SPINK9: variants seen among roughly 807,000 people sequenced by gnomAD.
The protein encoded by SPINK9 is serine protease inhibitor Kazal-type 9.
A neutral mutation model predicts 10.8 loss-of-function variants in SPINK9; 3 were observed. That is an observed-to-expected ratio of 0.28 (90% CI 0.13 to 0.72). The LOEUF (loss-of-function observed/expected upper bound fraction) is 0.72, where lower values mean the gene tolerates loss of function less well. Among genes scored for constraint, SPINK9 ranks in the 30% least tolerant of loss-of-function variants. The pLI is 0.74. For missense variants in SPINK9, 101 were observed against 103.2 expected (o/e 0.98, Z 0.09); for synonymous variants, 30 against 31.2 (o/e 0.96, Z 0.12).
At chr5:148,337,635 A>G (rs1451092511) in intron 2 of SPINK9, among the ~76,000 whole-genome samples, 1 of 152,162 alleles carries the variant, frequency 6.6e-6, no homozygotes, top group Non-Finnish European at 1.5e-5. Context: ...CCTATTATTC[A>G]TTCAATATTT....
intron 2 of SPINK9, among the ~76,000 whole-genome samples, chr5:148,328,849 A>T (rs1181783026): frequency 1.3e-5 from 2 of 152,164 alleles, no homozygotes; most frequent in African/African-American, 4.8e-5. Flanking sequence ...CCCAGGGATG[A>T]AGCCCACTTG....
At chr5:148,327,100 C>A (rs748451479) in intron 2 of SPINK9, among the ~76,000 whole-genome samples, 4 of 152,188 alleles carry the variant, frequency 2.6e-5, no homozygotes, top group Non-Finnish European at 4.4e-5. Context: ...CTGTCTCCCA[C>A]AATGGTTGAA....
At chr5:148,324,359 T>A (rs1561765023) in intron 2 of SPINK9, among the ~76,000 whole-genome samples, 1 of 152,040 alleles carries the variant, frequency 6.6e-6, no homozygotes, top group Non-Finnish European at 1.5e-5. Context: ...TCTCAAAGAA[T>A]CTCGTCATAA....
upstream of SPINK9, among the ~76,000 whole-genome samples, chr5:148,331,396 C>T (rs1257592791): frequency 1.3e-5 from 2 of 152,174 alleles, no homozygotes; most frequent in African/African-American, 4.8e-5. Flanking sequence ...ACTACGTGAT[C>T]TCACTTATAT....
upstream of SPINK9, among the ~76,000 whole-genome samples, chr5:148,331,218 C>T (rs11954250): frequency 0.038 from 5,771 of 152,298 alleles, 364 homozygotes; most frequent in African/African-American, 0.13. Flanking sequence ...TCCTATTCGG[C>T]CATCTTGGCT....
chr5:148,325,755 A>G (rs1757050983), intron 2 of SPINK9, among the ~76,000 whole-genome samples: 1 of 152,104 alleles, frequency 6.6e-6, no homozygotes, highest in South Asian at 2.1e-4. Context: ...TACCTATTAT[A>G]TCTTTTGTCT....
chr5:148,331,174 G>T (rs892784321), upstream of SPINK9, among the ~76,000 whole-genome samples: 2 of 152,212 alleles, frequency 1.3e-5, no homozygotes, highest in African/African-American at 4.8e-5. Context: ...CATCTTCTGT[G>T]TCACTCATGC....
chr5:148,333,450 C>G (rs1757176308), upstream of SPINK9, among the ~76,000 whole-genome samples: 1 of 152,240 alleles, frequency 6.6e-6, no homozygotes, highest in African/African-American at 2.4e-5. Flanking sequence ...AGCCCATAGG[C>G]AGTGTGCCCA....
intron 2 of SPINK9, among the ~76,000 whole-genome samples, chr5:148,337,743 T>TA (rs1199125714): frequency 1.3e-5 from 2 of 152,106 alleles, no homozygotes; most frequent in East Asian, 3.9e-4. Flanking sequence ...ATTTTACAGA[T>TA]AAAAAAACTA....
chr5:148,326,281 T>C (rs1581184598), intron 2 of SPINK9, among the ~76,000 whole-genome samples: 1 of 152,166 alleles, frequency 6.6e-6, no homozygotes, highest in Admixed American at 6.5e-5. Context: ...AAGGAATATG[T>C]ACACTGTTGG....
chr5:148,327,012 C>T (rs1406634536), intron 2 of SPINK9, among the ~76,000 whole-genome samples: 1 of 152,022 alleles, frequency 6.6e-6, no homozygotes, highest in African/African-American at 2.4e-5. Flanking sequence ...GATTTATAAT[C>T]CTTTGGGTAT....
chr5:148,329,958 G>A (rs538736613), intron 2 of SPINK9, among the ~76,000 whole-genome samples: 1 of 152,296 alleles, frequency 6.6e-6, no homozygotes, highest in African/African-American at 2.4e-5. Flanking sequence ...GTGTGGTGTG[G>A]TGCTGAGAAG....
intron 1 of SPINK9, among the ~76,000 whole-genome samples, chr5:148,322,027 T>C (rs1757005124): frequency 6.6e-6 from 1 of 152,208 alleles, no homozygotes; most frequent in Non-Finnish European, 1.5e-5. Flanking sequence ...TTTCTCTCAA[T>C]TATACTATGA....
intron 2 of SPINK9, among the ~76,000 whole-genome samples, chr5:148,327,154 C>T (rs1488558969): frequency 6.6e-6 from 1 of 152,200 alleles, no homozygotes; most frequent in Non-Finnish European, 1.5e-5. Flanking sequence ...CCTATTTCTC[C>T]ACATCCTCTC....
upstream of SPINK9, among the ~76,000 whole-genome samples, chr5:148,331,194 T>C (rs1425789846): frequency 6.6e-6 from 1 of 152,252 alleles, no homozygotes. Flanking sequence ...CTGGTAGATG[T>C]AGACTGGAGC....
At position 148,328,318 on chromosome 5, in the gene SPINK9, T is replaced by C. The variant is rs546057084; in HGVS notation, c.118+4450T>C. The stretch of plus-strand genomic sequence containing the variant: ...TTTGGCTCTCTGTTTGTTACTGGTG[T>C]ATAAGAATGCTTGTGATTTTTGTAT... On this transcript the variant is annotated intron_variant, in intron 2 of 4. Transcript: ENST00000511717. Among the ~76,000 whole-genome samples the C allele has an allele frequency of 5.3e-5, 8 of 152,306 alleles. No homozygotes were observed. The South Asian group carries it at 1.7e-3, about 32-fold the overall frequency.
chr5:148,325,355 A>T lies in SPINK9; in HGVS notation c.118+1487A>T, dbSNP rs1216130849. On this transcript the variant is annotated intron_variant, in intron 2 of 4. Transcript: ENST00000511717. ...GAGCTACCAAACTATTTTTCAAAGC[A>T]GCTTCACCATTTTACATTTTCATTT... Among the ~76,000 whole-genome samples the T allele has an allele frequency of 2.0e-5, 3 of 152,252 alleles. No homozygotes were observed. In the East Asian group the frequency reaches 5.8e-4, roughly 29 times the overall value.
At chr5:148,322,194 T>A (rs893515271) in intron 1 of SPINK9, among the ~76,000 whole-genome samples, 7 of 152,194 alleles carry the variant, frequency 4.6e-5, no homozygotes, top group Non-Finnish European at 7.4e-5. Flanking sequence ...AGGTAAATTG[T>A]AATAGATATA....
chr5:148,322,832 A>G (rs1757014212), intron 1 of SPINK9, among the ~76,000 whole-genome samples: 1 of 152,112 alleles, frequency 6.6e-6, no homozygotes, highest in South Asian at 2.1e-4. Context: ...AATCTATATG[A>G]CATCCAAAGT....
Sources: allele counts gnomAD v4.1 joint callset (sites outside exome capture counted in the v4.1 genomes callset), GRCh38; gene constraint gnomAD v4.1.1; transcripts MANE v1.5; gene names NCBI Gene and HGNC (gene_info 2026-07-23, HGNC 2026-07-21).